The following MANBAL variants were observed in gnomAD, a reference collection of about 807,000 sequenced individuals.
The protein encoded by MANBAL is protein MANBAL.
Under a neutral mutation model 6.4 loss-of-function variants are expected in MANBAL, and 1 was observed. That is an observed-to-expected ratio of 0.16 (90% CI 0.06 to 0.74). The LOEUF (loss-of-function observed/expected upper bound fraction) is 0.74, where lower values mean the gene tolerates loss of function less well. Ranked by LOEUF, MANBAL falls within the 30% of genes least tolerant of loss-of-function variation. The probability of loss-of-function intolerance (pLI) is 0.78; values close to 1 mark genes in which losing one functional copy is unlikely to be tolerated. For synonymous variants in MANBAL, 47 were observed against 45.8 expected, an observed-to-expected ratio of 1.03 and a Z score of -0.10; for missense variants, 100 against 107.8, an observed-to-expected ratio of 0.93 and a Z score of 0.32.
At chr20:37,305,491 G>A (rs974472127) in intron 2 of MANBAL, among the ~76,000 whole-genome samples, 1 of 152,138 alleles carries the variant, frequency 6.6e-6, no homozygotes, top group Non-Finnish European at 1.5e-5. Context: ...GGGAGTTGAT[G>A]AAGGGTTCAA....
chr20:37,312,075 T>C (rs2069402726), intron 2 of MANBAL, among the ~76,000 whole-genome samples: 1 of 152,096 alleles, frequency 6.6e-6, no homozygotes, highest in Non-Finnish European at 1.5e-5. Context: ...GCGTGACGGC[T>C]CTAAAAGCTG....
rs1360711830 is a variant in MANBAL, at chr20:37,308,703, TCCTCCTCCCCATAAC to T, written c.150+7299_150+7313del. Among the ~76,000 whole-genome samples, 3 of 152,096 alleles carry T rather than the reference TCCTCCTCCCCATAAC, an allele frequency of 2.0e-5. No individual in the cohort carries two copies. The East Asian group carries it at 5.8e-4, about 29-fold the overall frequency. On this transcript the variant is annotated intron_variant, in intron 2 of 2. Coordinates refer to ENST00000373606, the MANE Select transcript of MANBAL (RefSeq NM_001003897.2). ...TCTTCTCAAGGTGGGGAGCCTGTCT[TCCTCCTCCCCATAAC>T]CCTCCTCCAAGCCTCTTCCGGATCG...
In MANBAL at chr20:37,316,559, G is replaced by C; in HGVS notation, c.*144G>C. 1.6e-6 allele frequency: 1 copy of C among 609,024 alleles called. No individual in the cohort carries two copies. The highest frequency in any genetic ancestry group is 2.8e-6 in the Non-Finnish European group (1 of 351,756). The allele number at this position is 609,024 out of a possible 1,614,324, so 37.7% of individuals were successfully genotyped here. A position where few individuals can be genotyped will look rare whatever the true frequency, so the allele number is the denominator to read the frequency against. On this transcript the variant is annotated 3_prime_UTR_variant, in exon 3 of 3. Coordinates refer to ENST00000373606, the MANE Select transcript of MANBAL (RefSeq NM_001003897.2). ...TATGACCGCAGAGATCTAGACAGTC[G>C]TAACAGTCCCCAGGCTCCAGCTGGG...
intron 1 of MANBAL, 94 bp from the exon 2 acceptor site, chr20:37,301,114 C>T (rs575435007): frequency 2.2e-5 from 17 of 767,900 alleles, no homozygotes; most frequent in African/African-American, 5.4e-5. Flanking sequence ...CCAGCCTGGG[C>T]GACAGAGTGA....
At chr20:37,301,008 T>G (rs967062364) in intron 1 of MANBAL, among the ~76,000 whole-genome samples, 200 bp from the exon 2 acceptor site, 1 of 152,044 alleles carries the variant, frequency 6.6e-6, no homozygotes, top group African/African-American at 2.4e-5. Context: ...CCAGGTGTGT[T>G]GGCCCACACC....
chr20:37,294,295 T>C (rs2068942460), intron 1 of MANBAL, among the ~76,000 whole-genome samples: 1 of 152,252 alleles, frequency 6.6e-6, no homozygotes. Flanking sequence ...ATCTGTAAGC[T>C]GAGAATTTAC....
intron 2 of MANBAL, among the ~76,000 whole-genome samples, chr20:37,313,936 G>T (rs1454164634): frequency 6.6e-6 from 1 of 152,220 alleles, no homozygotes; most frequent in Non-Finnish European, 1.5e-5. Flanking sequence ...CAGTGTGAGG[G>T]ATGAAGAGGA....
intron 2 of MANBAL, among the ~76,000 whole-genome samples, chr20:37,309,666 A>G (rs1308584938): frequency 6.6e-6 from 1 of 152,136 alleles, no homozygotes; most frequent in Non-Finnish European, 1.5e-5. Context: ...AGCCACCTGC[A>G]CCTACTGCAC....
chr20:37,312,327 A>T (rs988740919), intron 2 of MANBAL, among the ~76,000 whole-genome samples: 1 of 152,152 alleles, frequency 6.6e-6, no homozygotes, highest in African/African-American at 2.4e-5. Flanking sequence ...ACCATTCCAG[A>T]GGCACCTTGT....
At chr20:37,290,700 C>A (rs2068846664) in intron 1 of MANBAL, among the ~76,000 whole-genome samples, 2 of 152,142 alleles carry the variant, frequency 1.3e-5, no homozygotes, top group Non-Finnish European at 2.9e-5. Flanking sequence ...CTCAGGTGAT[C>A]CACCCGCCTC....
chr20:37,296,627 A>G (rs943751275), intron 1 of MANBAL, among the ~76,000 whole-genome samples: 12 of 152,182 alleles, frequency 7.9e-5, no homozygotes, highest in Admixed American at 4.6e-4. Flanking sequence ...AGTATTATGA[A>G]TAGTGCTGCC....
At position 37,316,568 on chromosome 20, in the gene MANBAL, C is replaced by T. The variant is rs535717833; in HGVS notation, c.*153C>T. ...AGAGATCTAGACAGTCGTAACAGTC[C>T]CCAGGCTCCAGCTGGGCAATCCACC... On this transcript the variant is annotated 3_prime_UTR_variant, in exon 3 of 3. Transcript: ENST00000373606. 2.3e-4 allele frequency: 135 copies of T among 581,836 alleles called. 3 individuals are homozygous for T. The South Asian group carries it at 2.8e-3, about 12-fold the overall frequency. 36.0% of individuals were successfully genotyped at this position (581,836 alleles called of 1,614,324 possible).
At chr20:37,291,762 T>A (rs947961824) in intron 1 of MANBAL, among the ~76,000 whole-genome samples, 1 of 152,118 alleles carries the variant, frequency 6.6e-6, no homozygotes, top group Non-Finnish European at 1.5e-5. Context: ...TCTCAGGAGA[T>A]CTGATGGTTT....
In MANBAL at chr20:37,316,782, T is replaced by A. The variant is rs2069531669; in HGVS notation, c.*367T>A. ...TTTACACTACATTTGGGAGTCATTGTCTAATGCTGACAAGCACACCCTCTC... is the reference window on the plus strand; with the variant it reads ...TTTACACTACATTTGGGAGTCATTGACTAATGCTGACAAGCACACCCTCTC... On this transcript the variant is annotated 3_prime_UTR_variant, in exon 3 of 3. Transcript: ENST00000373606. The A allele has an allele frequency of 5.1e-6, 1 of 196,558 alleles. No homozygotes were observed. The highest frequency in any genetic ancestry group is 1.0e-5 in the Non-Finnish European group (1 of 96,476). The allele number at this position is 196,558 out of a possible 1,614,324, so 12.2% of individuals were successfully genotyped here. A position where few individuals can be genotyped will look rare whatever the true frequency, so the allele number is the denominator to read the frequency against.
chr20:37,311,414 A>G (rs2069384603), intron 2 of MANBAL, among the ~76,000 whole-genome samples: 2 of 152,222 alleles, frequency 1.3e-5, no homozygotes, highest in African/African-American at 4.8e-5. Flanking sequence ...GGGAACCAGC[A>G]AAGTTTTTGA....
intron 1 of MANBAL, among the ~76,000 whole-genome samples, chr20:37,290,853 TC>T (rs1417060522): frequency 6.6e-6 from 1 of 152,218 alleles, no homozygotes; most frequent in Non-Finnish European, 1.5e-5. Flanking sequence ...AAGATATCCT[TC>T]CTCCTGGACC....
chr20:37,313,320 G>C (rs141047189), intron 2 of MANBAL, among the ~76,000 whole-genome samples: 6 of 151,578 alleles, frequency 4.0e-5, no homozygotes, highest in Non-Finnish European at 8.8e-5. Flanking sequence ...GCAATGAGCC[G>C]AGATCGAGCC....
chr20:37,309,817 C>T (rs982492785), intron 2 of MANBAL, among the ~76,000 whole-genome samples: 1 of 152,110 alleles, frequency 6.6e-6, no homozygotes, highest in African/African-American at 2.4e-5. Context: ...ATAATGAGCC[C>T]CAGGCAAGCA....
chr20:37,306,114 G>A (rs74402987), intron 2 of MANBAL, among the ~76,000 whole-genome samples: 14,023 of 152,092 alleles, frequency 0.092, 820 homozygotes, highest in Middle Eastern at 0.15. Context: ...GTGGCAGGAG[G>A]TAGGAGAGGG....
Sources: allele counts gnomAD v4.1 joint callset (sites outside exome capture counted in the v4.1 genomes callset), GRCh38; gene constraint gnomAD v4.1.1; transcripts MANE v1.5; gene names NCBI Gene and HGNC (gene_info 2026-07-23, HGNC 2026-07-21).